The following UGT2B10 variants were observed in gnomAD, a reference collection of about 807,000 sequenced individuals.
The protein encoded by UGT2B10 is UDP glucuronosyltransferase family 2 member B10, also known as UDP-glucuronosyltransferase 2B10.
Under a neutral mutation model 43.7 loss-of-function variants are expected in UGT2B10, and 51 were observed. The observed-to-expected ratio is 1.17, with a 90% CI of 0.93 to 1.47. The LOEUF (loss-of-function observed/expected upper bound fraction) is 1.47, where lower values mean the gene tolerates loss of function less well. Among genes scored for constraint, UGT2B10 ranks in the 40% most tolerant of loss-of-function variants. The pLI is 0.00. For synonymous variants in UGT2B10, 225 were observed against 209.0 expected (o/e 1.08, Z -0.66); for missense variants, 696 against 617.7 (o/e 1.13, Z -1.34).
In UGT2B10 at chr4:68,822,182, C is replaced by A. The variant is rs1737534360; in HGVS notation, c.868-89C>A. On this transcript the variant is annotated intron_variant, in intron 2 of 5. Transcript: ENST00000265403. ...ATAATTCCTCAAAATACTTGATTTTCTCTCTTTAATATTTTGTACCAATTC... is the reference window on the plus strand; with the variant it reads ...ATAATTCCTCAAAATACTTGATTTTATCTCTTTAATATTTTGTACCAATTC... 3.9e-6 allele frequency: 6 copies of A among 1,532,742 alleles called. No homozygotes were observed. The South Asian group carries it at 4.9e-5, about 13-fold the overall frequency. The allele number at this position is 1,532,742 out of a possible 1,614,324, so 94.9% of individuals were successfully genotyped here. A position where few individuals can be genotyped will look rare whatever the true frequency, so the allele number is the denominator to read the frequency against.
chr4:68,822,680 C>T (rs1281435388), intron 3 of UGT2B10, among the ~76,000 whole-genome samples: 2 of 152,030 alleles, frequency 1.3e-5, no homozygotes, highest in African/African-American at 4.8e-5. Context: ...CAAAAGGGAA[C>T]TTGAGACCCA....
At chr4:68,821,612 T>A (rs1263774066) in intron 2 of UGT2B10, among the ~76,000 whole-genome samples, 2 of 152,192 alleles carry the variant, frequency 1.3e-5, no homozygotes, top group Non-Finnish European at 2.9e-5. Flanking sequence ...ATATTCCAAA[T>A]CACAATACTA....
chr4:68,827,203 A>G, intron 4 of UGT2B10, 126 bp from the exon 5 acceptor site: 1 of 1,492,394 alleles, frequency 6.7e-7, no homozygotes. Context: ...TTTCCTCTGA[A>G]ATCTGAAAAG....
At chr4:68,817,967 A>C (rs1216998783) in intron 1 of UGT2B10, 62 bp from the exon 2 acceptor site, 22 of 1,560,682 alleles carry the variant, frequency 1.4e-5, no homozygotes, top group Admixed American at 2.2e-5. Context: ...AACCCCTTTC[A>C]GAAAATTACA....
chr4:68,821,810 C>T (rs1301660934), intron 2 of UGT2B10, among the ~76,000 whole-genome samples: 1 of 152,080 alleles, frequency 6.6e-6, no homozygotes, highest in East Asian at 1.9e-4. Context: ...GGGAAGTAAA[C>T]CACTAATGGC....
chr4:68,826,115 TG>T (rs1737760058), intron 3 of UGT2B10, among the ~76,000 whole-genome samples: 1 of 152,142 alleles, frequency 6.6e-6, no homozygotes, highest in Non-Finnish European at 1.5e-5. Context: ...TTTTCTTCGA[TG>T]GTTAGCCGCA....
At chr4:68,828,592 C>A (rs1358571376) in intron 5 of UGT2B10, among the ~76,000 whole-genome samples, 2 of 151,850 alleles carry the variant, frequency 1.3e-5, no homozygotes, top group Non-Finnish European at 2.9e-5. Context: ...TACTTTCACT[C>A]AACCTAAACA....
rs899987485 is a variant in UGT2B10, at chr4:68,830,996, G to A, written c.*117G>A. 32 of 1,384,112 alleles carry A rather than the reference G, an allele frequency of 2.3e-5. No individual in the cohort carries two copies. The South Asian group carries it at 2.7e-4, about 12-fold the overall frequency. The allele number at this position is 1,384,112 out of a possible 1,614,324, so 85.7% of individuals were successfully genotyped here. ...TCCTGTGACAAAAAAAAATCCTTTC[G>A]AAGTCTACCTTGTCAAGTAAAAATT... is the stretch of plus-strand genomic sequence containing the variant. On this transcript the variant is annotated 3_prime_UTR_variant, in exon 6 of 6. Coordinates refer to ENST00000265403, the MANE Select transcript of UGT2B10 (RefSeq NM_001075.6).
Position 68,827,595 on chromosome 4 carries a change from T to C in UGT2B10, c.1307+47T>C, listed in dbSNP as rs756655607. On this transcript the variant is annotated intron_variant, in intron 5 of 5. Coordinates refer to ENST00000265403, the MANE Select transcript of UGT2B10 (RefSeq NM_001075.6). The stretch of plus-strand genomic sequence containing the variant: ...ACTAGATGGTATTAATAGATAGCTT[T>C]TCTTGTCAGTAGTGAGCATGAGTTT... The C allele has an allele frequency of 2.5e-6, 4 of 1,608,248 alleles. No homozygotes were observed. In the Admixed American group the frequency reaches 5.0e-5, roughly 20 times the overall value.
chr4:68,829,992 A>C lies in UGT2B10; in HGVS notation c.1308-608A>C, dbSNP rs562474876. ...GGAAACAGTAGGAGACAAAAGAGTA[A>C]TCTAGAAGCCAAGTGACTAGCTATG... is the stretch of plus-strand genomic sequence containing the variant. On this transcript the variant is annotated intron_variant, in intron 5 of 5. Coordinates refer to ENST00000265403, the MANE Select transcript of UGT2B10 (RefSeq NM_001075.6). Among the ~76,000 whole-genome samples, 140 of 152,156 alleles carry C rather than the reference A, an allele frequency of 9.2e-4. 5 individuals carry two copies. The South Asian group carries it at 0.029, about 31-fold the overall frequency.
chr4:68,830,932 G>T lies in UGT2B10; in HGVS notation c.*53G>T, dbSNP rs571631353. 4 of 1,551,984 alleles carry T rather than the reference G, an allele frequency of 2.6e-6. No individual in the cohort carries two copies. The highest frequency in any genetic ancestry group is 4.5e-5 in the East Asian group (2 of 43,970). ...CCTGATAGATAGGAATACTTCAGTT[G>T]ATTCCAGCAATAAATATTGTGATGC... On this transcript the variant is annotated 3_prime_UTR_variant, in exon 6 of 6. Transcript: ENST00000265403.
At chr4:68,820,823 C>A (rs947110592) in intron 2 of UGT2B10, among the ~76,000 whole-genome samples, 20 of 152,128 alleles carry the variant, frequency 1.3e-4, no homozygotes, top group African/African-American at 4.3e-4. Context: ...AAAAACTTTT[C>A]TTACTGTTAT....
At chr4:68,822,829 G>C (rs1234499169) in intron 3 of UGT2B10, among the ~76,000 whole-genome samples, 4 of 152,062 alleles carry the variant, frequency 2.6e-5, no homozygotes, top group Admixed American at 6.6e-5. Context: ...TATATATCCA[G>C]AACTGTGTTC....
chr4:68,830,673 T>C lies in UGT2B10; in HGVS notation c.1381T>C (p.Phe461Leu), dbSNP rs770033962. The C allele has an allele frequency of 1.9e-6, 3 of 1,613,374 alleles. No individual in the cohort carries two copies. The South Asian group carries it at 3.3e-5, about 18-fold the overall frequency. ...AGTGAAGCCCCTGGATCGAGCAGTC[T>C]TCTGGATTGAATTTGTCATGCGCCA... ...QPVKPLDRAV[F>L]WIEFVMRHKG... The change falls in exon 6 of 6, where the codon TTC (phenylalanine) becomes CTC (leucine). Residue 461 changes from phenylalanine to leucine, a missense_variant. By Grantham distance (22) the Phe-to-Leu change is conservative (BLOSUM62 0). Coordinates refer to ENST00000265403, the MANE Select transcript of UGT2B10 (RefSeq NM_001075.6).
chr4:68,823,898 C>A (rs536961793), intron 3 of UGT2B10, among the ~76,000 whole-genome samples: 1 of 152,008 alleles, frequency 6.6e-6, no homozygotes, highest in Non-Finnish European at 1.5e-5. Flanking sequence ...GATGAAGTAT[C>A]GATATTATCA....
At chr4:68,827,623 T>C in intron 5 of UGT2B10, 75 bp downstream of exon 5, 1 of 1,580,044 alleles carries the variant, frequency 6.3e-7, no homozygotes, top group Non-Finnish European at 8.6e-7. Flanking sequence ...ATGAGTTTCA[T>C]CCTTTTTATA....
intron 3 of UGT2B10, among the ~76,000 whole-genome samples, chr4:68,823,655 A>T (rs1407028934): frequency 1.3e-5 from 2 of 152,310 alleles, no homozygotes; most frequent in East Asian, 3.9e-4. Context: ...ATTAATAAAT[A>T]TTCCTGTATG....
intron 5 of UGT2B10, 27 bp from the exon 6 acceptor site, chr4:68,830,573 G>T: frequency 6.3e-7 from 1 of 1,589,580 alleles, no homozygotes; most frequent in South Asian, 1.2e-5. Flanking sequence ...TACTTTCAGT[G>T]TCGGTATCTT....
At position 68,822,410 on chromosome 4, in the gene UGT2B10, A is replaced by G. The variant is rs1182896310; in HGVS notation, c.999+8A>G. 1 of 1,613,302 alleles carries G rather than the reference A, an allele frequency of 6.2e-7. No individual in the cohort carries two copies. The highest frequency in any genetic ancestry group is 8.5e-7 in the Non-Finnish European group (1 of 1,179,660). On this transcript the variant is annotated splice_region_variant and intron_variant, in intron 3 of 5. Transcript: ENST00000265403. ...GCCAAGATCCCACAAAAGGTAAGATAAAGTGCCTTACTGGTGTGGAAAACT... is the reference window on the plus strand; with the variant it reads ...GCCAAGATCCCACAAAAGGTAAGATGAAGTGCCTTACTGGTGTGGAAAACT...
Sources: allele counts gnomAD v4.1 joint callset (sites outside exome capture counted in the v4.1 genomes callset), GRCh38; gene constraint gnomAD v4.1.1; transcripts MANE v1.5; gene names NCBI Gene and HGNC (gene_info 2026-07-23, HGNC 2026-07-21).